Variants in FHIP1A observed in about 807,000 individuals in gnomAD.
FHIP1A encodes FHF complex subunit HOOK-interacting protein 1A.
Under a neutral mutation model 88.6 loss-of-function variants are expected in FHIP1A, and 61 were observed. The observed-to-expected ratio is 0.69, with a 90% CI of 0.56 to 0.85. The LOEUF (loss-of-function observed/expected upper bound fraction) is 0.85, where lower values mean the gene tolerates loss of function less well. Ranked by LOEUF, FHIP1A falls within the 40% of genes least tolerant of loss-of-function variation. The pLI is 0.00. For synonymous variants in FHIP1A, 478 were observed against 496.0 expected (o/e 0.96, Z 0.48); for missense variants, 1,154 against 1,273.5 (o/e 0.91, Z 1.43).
At chr4:151,523,914 A>G (rs1408391278) in intron 3 of FHIP1A, among the ~76,000 whole-genome samples, 3 of 152,172 alleles carry the variant, frequency 2.0e-5, no homozygotes, top group Admixed American at 1.3e-4. Context: ...TTCATAGTTT[A>G]GCCAAGTTCT....
intron 2 of FHIP1A, among the ~76,000 whole-genome samples, chr4:151,458,651 G>C (rs1729048253): frequency 6.6e-6 from 1 of 152,102 alleles, no homozygotes; most frequent in African/African-American, 2.4e-5. Context: ...GTCCTTAACT[G>C]TGTATTTGGG....
intron 1 of FHIP1A, among the ~76,000 whole-genome samples, chr4:151,412,575 T>TTCC: frequency 7.3e-6 from 1 of 137,076 alleles, no homozygotes; most frequent in South Asian, 2.4e-4. Flanking sequence ...TCTTTCTTTC[T>TTCC]TTCCTTTCTT....
At chr4:151,518,373 A>G (rs1269578924) in intron 3 of FHIP1A, among the ~76,000 whole-genome samples, 1 of 152,114 alleles carries the variant, frequency 6.6e-6, no homozygotes, top group African/African-American at 2.4e-5. Context: ...ATACTCTATG[A>G]TATTTTCACA....
chr4:151,419,738 C>T lies in FHIP1A; in HGVS notation c.-356+10273C>T, dbSNP rs866249371. 8.9e-3 allele frequency among the ~76,000 whole-genome samples: 153 copies of T among 17,134 alleles called. 14 individuals are homozygous for T. Among genetic ancestry groups the T allele is most frequent in the Non-Finnish European group, 0.015 (121 of 7,822 alleles). The allele number at this position is 17,134 out of a possible 152,430, so 11.2% of individuals were successfully genotyped here. Reference sequence around the variant, plus strand: ...TATATCTCCCAATGCTATCCCTCCCCCCTCCCCCGACCCCACCACAGTCCC... The same window carrying T: ...TATATCTCCCAATGCTATCCCTCCCTCCTCCCCCGACCCCACCACAGTCCC... On this transcript the variant is annotated intron_variant, in intron 1 of 13. Transcript: ENST00000435205.
intron 7 of FHIP1A, among the ~76,000 whole-genome samples, chr4:151,616,022 C>T (rs951856523): frequency 6.6e-6 from 1 of 152,120 alleles, no homozygotes; most frequent in Non-Finnish European, 1.5e-5. Context: ...CGTGTGTTGC[C>T]ATGAGTTTGT....
At chr4:151,419,270 T>G (rs1424803010) in intron 1 of FHIP1A, among the ~76,000 whole-genome samples, 1 of 152,154 alleles carries the variant, frequency 6.6e-6, no homozygotes, top group East Asian at 1.9e-4. Flanking sequence ...CTCTCTCTGT[T>G]TGACTGTTTT....
intron 5 of FHIP1A, among the ~76,000 whole-genome samples, chr4:151,584,633 C>A (rs537407257): frequency 2.6e-5 from 4 of 152,132 alleles, no homozygotes; most frequent in East Asian, 1.9e-4. Flanking sequence ...ATCAGCCCCA[C>A]GTATCTGAAT....
intron 1 of FHIP1A, among the ~76,000 whole-genome samples, chr4:151,441,509 G>A (rs1273924189): frequency 1.3e-5 from 2 of 152,034 alleles, no homozygotes; most frequent in Non-Finnish European, 2.9e-5. Flanking sequence ...TAATTTTATG[G>A]ATCTCTGAGA....
chr4:151,409,809 G>A (rs990660258), intron 1 of FHIP1A, among the ~76,000 whole-genome samples: 4 of 152,120 alleles, frequency 2.6e-5, no homozygotes, highest in Non-Finnish European at 5.9e-5. Flanking sequence ...TGGTCCCAGG[G>A]TCCTCTGGGA....
chr4:151,535,098 C>T (rs1038619314), intron 3 of FHIP1A, among the ~76,000 whole-genome samples: 10 of 152,022 alleles, frequency 6.6e-5, no homozygotes, highest in African/African-American at 2.4e-4. Context: ...ACCTGTAGTA[C>T]CAGCTATATG....
At chr4:151,523,362 T>C (rs1255694599) in intron 3 of FHIP1A, among the ~76,000 whole-genome samples, 2 of 152,220 alleles carry the variant, frequency 1.3e-5, no homozygotes, top group Non-Finnish European at 1.5e-5. Context: ...GTGGAATTTG[T>C]TCATTTATTG....
At chr4:151,601,208 C>T (rs1281410810) in intron 7 of FHIP1A, among the ~76,000 whole-genome samples, 1 of 152,096 alleles carries the variant, frequency 6.6e-6, no homozygotes, top group Non-Finnish European at 1.5e-5. Context: ...TCCTTCCAGT[C>T]TCCTGCTGGA....
At chr4:151,599,843 A>G (rs1214658795) in intron 7 of FHIP1A, among the ~76,000 whole-genome samples, 1 of 152,124 alleles carries the variant, frequency 6.6e-6, no homozygotes, top group Non-Finnish European at 1.5e-5. Context: ...GGTTATATAT[A>G]TTTGCTTATT....
intron 1 of FHIP1A, among the ~76,000 whole-genome samples, chr4:151,416,696 A>G (rs1392497745): frequency 6.6e-6 from 1 of 152,230 alleles, no homozygotes; most frequent in Non-Finnish European, 1.5e-5. Context: ...TCTTAATAAA[A>G]TAAGAATTTC....
chr4:151,521,080 A>G lies in FHIP1A; in HGVS notation c.-123+38432A>G, dbSNP rs140606444. ...CTGTCTTGAGCTTTTGTATATGGTA[A>G]TCAGAAAGACATTTAGTTGTGTAAA... On this transcript the variant is annotated intron_variant, in intron 3 of 13. Transcript: ENST00000435205. Among the ~76,000 whole-genome samples, 394 of 152,258 alleles carry G rather than the reference A, an allele frequency of 2.6e-3. 11 individuals are homozygous for G. The highest frequency in any genetic ancestry group is 0.024 in the Admixed American group (372 of 15,294).
At position 151,670,064 on chromosome 4, in the gene FHIP1A, A is replaced by G. The variant is rs1310228395; in HGVS notation, c.*7310A>G. 1 of 152,212 alleles carries G rather than the reference A, an allele frequency of 6.6e-6. No homozygotes were observed. Among genetic ancestry groups the G allele is most frequent in the Non-Finnish European group, 1.5e-5 (1 of 68,034 alleles). 9.4% of individuals were successfully genotyped at this position (152,212 alleles called of 1,614,324 possible). ...TCACAGCTTCAAATCAAGGCCTCCAAGGATTTTATTCTCTTACATCACAGT... is the reference window on the plus strand; with the variant it reads ...TCACAGCTTCAAATCAAGGCCTCCAGGGATTTTATTCTCTTACATCACAGT... On this transcript the variant is annotated 3_prime_UTR_variant, in exon 14 of 14. Transcript: ENST00000435205.
At chr4:151,432,549 G>T (rs1159520524) in intron 1 of FHIP1A, among the ~76,000 whole-genome samples, 3 of 152,226 alleles carry the variant, frequency 2.0e-5, no homozygotes, top group Non-Finnish European at 4.4e-5. Context: ...ATGGTCTGCA[G>T]AGAGTGACTG....
chr4:151,470,032 G>A (rs2126615096), intron 2 of FHIP1A, among the ~76,000 whole-genome samples: 1 of 152,312 alleles, frequency 6.6e-6, no homozygotes, highest in South Asian at 2.1e-4. Flanking sequence ...ACTGTGCTAA[G>A]AGCTTCTCAT....
At chr4:151,511,063 A>G (rs1170025088) in intron 3 of FHIP1A, among the ~76,000 whole-genome samples, 1 of 152,196 alleles carries the variant, frequency 6.6e-6, no homozygotes, top group Non-Finnish European at 1.5e-5. Flanking sequence ...ACTCTGGAAA[A>G]CATGGAAGGA....
Sources: gnomAD v4.1 joint callset for allele counts (sites outside exome capture counted in the v4.1 genomes callset) on GRCh38, gnomAD v4.1.1 for gene constraint, MANE v1.5 for transcripts, NCBI Gene and HGNC (gene_info 2026-07-23, HGNC 2026-07-21) for gene names.